TF: variants seen among roughly 807,000 people sequenced by gnomAD.
The protein encoded by TF is serotransferrin.
In TF, 55 loss-of-function variants were observed where a neutral mutation model predicts 82.4. The observed-to-expected ratio is 0.67, with a 90% CI of 0.54 to 0.84. The LOEUF (loss-of-function observed/expected upper bound fraction) is 0.84. Among genes scored for constraint, TF ranks in the 40% least tolerant of loss-of-function variants. The pLI is 0.00. For synonymous variants in TF, 332 were observed against 332.6 expected, an observed-to-expected ratio of 1.00 and a Z score of 0.02; for missense variants, 737 against 868.4, an observed-to-expected ratio of 0.85 and a Z score of 1.90.
rs1400317831 is a variant in TF at position 133,783,105 on chromosome 3, A to C, written c.*4485A>C. The C allele has an allele frequency of 1.3e-5, 2 of 152,226 alleles. No individual in the cohort carries two copies. The highest frequency in any genetic ancestry group is 6.5e-5 in the Admixed American group (1 of 15,286). 9.4% of individuals were successfully genotyped at this position (152,226 alleles called of 1,614,324 possible). A position where few individuals can be genotyped will look rare whatever the true frequency, so the allele number is the denominator to read the frequency against. ...CATAAGGACCACAGTATAGGTAATA[A>C]ATTCTACTTTATTTGGGATTCCTCC... is the stretch of plus-strand genomic sequence containing the variant. On this transcript the variant is annotated 3_prime_UTR_variant, in exon 17 of 17. Transcript: ENST00000402696.
the TF span, among the ~76,000 whole-genome samples, chr3:133,670,622 G>T: frequency 6.6e-6 from 1 of 152,130 alleles, no homozygotes; most frequent in Non-Finnish European, 1.5e-5. Context: ...TTTGGTTTTT[G>T]TCCATAGGCC....
rs1404139292 is a variant in TF at position 133,781,720 on chromosome 3, T to C, written c.*3100T>C. The C allele has an allele frequency of 6.6e-6, 1 of 152,184 alleles. No individual in the cohort carries two copies. Among genetic ancestry groups the C allele is most frequent in the Non-Finnish European group, 1.5e-5 (1 of 68,034 alleles). The allele number at this position is 152,184 out of a possible 1,614,324, so 9.4% of individuals were successfully genotyped here. A position where few individuals can be genotyped will look rare whatever the true frequency, so the allele number is the denominator to read the frequency against. On this transcript the variant is annotated 3_prime_UTR_variant, in exon 17 of 17. Transcript: ENST00000402696. ...AAGAGCTCTTCCAGCTGTTAAAATGTAATGATAAGCTCCTGAACCTTGGCC... is the reference window on the plus strand; with the variant it reads ...AAGAGCTCTTCCAGCTGTTAAAATGCAATGATAAGCTCCTGAACCTTGGCC...
At chr3:133,664,698 A>G in the TF span, among the ~76,000 whole-genome samples, 1 of 152,184 alleles carries the variant, frequency 6.6e-6, no homozygotes, top group Non-Finnish European at 1.5e-5. Context: ...CGTTTGTTAT[A>G]CTGTATTTTT....
intron 2 of TF, among the ~76,000 whole-genome samples, chr3:133,753,285 G>A (rs1933727557): frequency 6.6e-6 from 1 of 152,326 alleles, no homozygotes; most frequent in East Asian, 1.9e-4. Context: ...CACGGAGCCT[G>A]CCAGGTTAAG....
chr3:133,693,099 A>G, the TF span, among the ~76,000 whole-genome samples: 1 of 152,222 alleles, frequency 6.6e-6, no homozygotes, highest in African/African-American at 2.4e-5. Context: ...TGTGTGCACC[A>G]GCAACTCCTG....
chr3:133,694,365 G>A, the TF span: 4 of 152,936 alleles, frequency 2.6e-5, no homozygotes, highest in African/African-American at 9.6e-5. Context: ...AGCCTTAAGT[G>A]AGTGAGACCC....
the TF span, chr3:133,700,187 A>T: frequency 6.6e-6 from 1 of 151,586 alleles, no homozygotes; most frequent in East Asian, 1.9e-4. Flanking sequence ...TATCTGGGAA[A>T]GTTCCTGGGC....
Position 133,766,359 on chromosome 3 carries a change from C to G in TF, c.1412C>G (p.Thr471Arg). ...DNLKGKKSCH[T>R]AVGRTAGWNI... The stretch of plus-strand genomic sequence containing the variant: ...CTGAAAGGCAAGAAGTCCTGCCATA[C>G]GGCAGTTGGCAGAACCGCTGGCTGG... The change falls in exon 12 of 17, where the codon ACG (threonine) becomes AGG (arginine). Residue 471 changes from threonine to arginine, a missense_variant. Coordinates refer to ENST00000402696, the MANE Select transcript of TF (RefSeq NM_001063.4). 3.1e-6 allele frequency: 5 copies of G among 1,614,176 alleles called. No individual in the cohort carries two copies. Among genetic ancestry groups the G allele is most frequent in the Non-Finnish European group, 4.2e-6 (5 of 1,180,006 alleles).
rs140381335 is a variant in TF, at chr3:133,753,606, G to A, written c.228G>A (p.Ala76=). ...CTGTTCTCTTTCAGGCAAACGAAGC[G>A]GATGCTGTGACACTGGATGCAGGTT... ...DCIRAIAANE[A]DAVTLDAGLV... The change falls in exon 3 of 17, where the codon GCG becomes GCA. Residue 76 remains alanine, a synonymous_variant. Coordinates refer to ENST00000402696, the MANE Select transcript of TF (RefSeq NM_001063.4). 4.0e-4 allele frequency: 645 copies of A among 1,614,132 alleles called. 5 individuals carry two copies. The highest frequency in any genetic ancestry group is 3.1e-3 in the Middle Eastern group (19 of 6,062).
the TF span, among the ~76,000 whole-genome samples, chr3:133,705,101 C>G: frequency 2.0e-5 from 3 of 152,090 alleles, no homozygotes; most frequent in African/African-American, 7.2e-5. Flanking sequence ...ATGGCGAAAC[C>G]CTGTCTCTAC....
intron 13 of TF, among the ~76,000 whole-genome samples, chr3:133,769,482 G>A (rs1289785417): frequency 2.0e-5 from 3 of 152,076 alleles, no homozygotes; most frequent in African/African-American, 4.8e-5. Context: ...TGTGTATAAA[G>A]GCTTCTTTTT....
At chr3:133,723,635 CTTTTA>C in the TF span, among the ~76,000 whole-genome samples, 8 of 77,438 alleles carry the variant, frequency 1.0e-4, no homozygotes, top group Non-Finnish European at 1.7e-4. Context: ...CTGTTTGGTT[CTTTTA>C]TTATTATTAT....
chr3:133,740,895 G>GGTA, the TF span, among the ~76,000 whole-genome samples: 34 of 140,274 alleles, frequency 2.4e-4, 1 homozygote, highest in African/African-American at 9.0e-4. Context: ...TGTTACCTTA[G>GGTA]GTAGCATTTT....
chr3:133,751,995 T>C (rs2107911162), intron 2 of TF, among the ~76,000 whole-genome samples: 1 of 152,300 alleles, frequency 6.6e-6, no homozygotes, highest in African/African-American at 2.4e-5. Context: ...ACTGCTGATA[T>C]AGTTTGTCTT....
In TF at chr3:133,753,707, A is replaced by G. The variant is rs1933740603; in HGVS notation, c.325+4A>G. On this transcript the variant is annotated splice_donor_region_variant and intron_variant, in intron 3 of 16. Coordinates refer to ENST00000402696, the MANE Select transcript of TF (RefSeq NM_001063.4). ...GAGTTCTATGGGTCAAAAGAGGGTAAGTTCTCCCTGGGACCCCAGGAAGGA... is the reference window on the plus strand; with the variant it reads ...GAGTTCTATGGGTCAAAAGAGGGTAGGTTCTCCCTGGGACCCCAGGAAGGA... 1 of 1,610,568 alleles carries G rather than the reference A, an allele frequency of 6.2e-7. No individual in the cohort carries two copies. The highest frequency in any genetic ancestry group is 8.5e-7 in the Non-Finnish European group (1 of 1,176,826).
At chr3:133,708,342 A>T in the TF span, among the ~76,000 whole-genome samples, 1 of 152,218 alleles carries the variant, frequency 6.6e-6, no homozygotes, top group Admixed American at 6.5e-5. Context: ...TCAAAAAAAG[A>T]GAAAATAATA....
At chr3:133,675,224 G>C in the TF span, among the ~76,000 whole-genome samples, 1 of 121,296 alleles carries the variant, frequency 8.2e-6, no homozygotes, top group Admixed American at 1.1e-4. Context: ...CAGCCTGGCC[G>C]ACAGAGTGAG....
At chr3:133,697,792 G>T in the TF span, among the ~76,000 whole-genome samples, 40 of 152,180 alleles carry the variant, frequency 2.6e-4, no homozygotes, top group Non-Finnish European at 3.7e-4. Context: ...ATTTTCTAGA[G>T]AAAATACTAA....
chr3:133,697,836 A>T, the TF span, among the ~76,000 whole-genome samples: 7 of 152,366 alleles, frequency 4.6e-5, no homozygotes, highest in Non-Finnish European at 1.0e-4. Context: ...CAGCCCTGAT[A>T]ACACTCTTTC....
Sources: gnomAD v4.1 joint callset for allele counts (sites outside exome capture counted in the v4.1 genomes callset) on GRCh38, gnomAD v4.1.1 for gene constraint, MANE v1.5 for transcripts, NCBI Gene and HGNC (gene_info 2026-07-23, HGNC 2026-07-21) for gene names.